The following FRMD4A variants were observed in gnomAD, a reference collection of about 807,000 sequenced individuals.
FRMD4A encodes the protein FERM domain containing 4A.
A neutral mutation model predicts 129.1 loss-of-function variants in FRMD4A; 29 were observed. The ratio of observed to expected loss-of-function variants is 0.22; its 90% confidence interval spans 0.17 to 0.31. The LOEUF is 0.31. Among genes scored for constraint, FRMD4A ranks in the 10% least tolerant of loss-of-function variants. The pLI, the probability that FRMD4A is intolerant of heterozygous loss-of-function variation, is 1.00. For synonymous variants in FRMD4A, 634 were observed against 571.6 expected, an observed-to-expected ratio of 1.11 and a Z score of -1.56; for missense variants, 1,272 against 1,375.8, an observed-to-expected ratio of 0.92 and a Z score of 1.19.
intron 12 of FRMD4A, among the ~76,000 whole-genome samples, chr10:13,730,742 A>G (rs61661335): frequency 0.41 from 62,219 of 151,364 alleles, 13,511 homozygotes; most frequent in South Asian, 0.53. Context: ...GGCTGGGCAC[A>G]GTGGCTCACG....
rs146204850 is a variant in FRMD4A, at chr10:13,854,867, C to T, written c.111+3980G>A. ...CTGCATGTGTCCACAACCAAGGCTGCAGGCATGCTCTGGGGCTGAATGCTC... is the reference window on the plus strand; with the variant it reads ...CTGCATGTGTCCACAACCAAGGCTGTAGGCATGCTCTGGGGCTGAATGCTC... On this transcript the variant is annotated intron_variant, in intron 3 of 24. Coordinates refer to ENST00000357447, the MANE Select transcript of FRMD4A (RefSeq NM_018027.5). 5.8e-3 allele frequency among the ~76,000 whole-genome samples: 879 copies of T among 152,290 alleles called. 5 individuals carry two copies. The highest frequency in any genetic ancestry group is 7.2e-3 in the Non-Finnish European group (490 of 68,022).
intron 2 of FRMD4A, among the ~76,000 whole-genome samples, chr10:14,094,024 T>TGCCGAAAAG (rs1270446475): frequency 2.0e-4 from 30 of 152,360 alleles, no homozygotes; most frequent in African/African-American, 6.0e-4. Context: ...TGGAGGCTTT[T>TGCCGAAAAG]GCCGAAAAGG....
intron 12 of FRMD4A, chr10:13,707,369 A>C: frequency 1.1e-5 from 13 of 1,178,244 alleles, no homozygotes; most frequent in Non-Finnish European, 1.4e-5. Context: ...GTTCTTTTCA[A>C]GTTCTCCGCC....
chr10:13,808,213 G>C (rs2093389090), intron 4 of FRMD4A, among the ~76,000 whole-genome samples: 1 of 152,138 alleles, frequency 6.6e-6, no homozygotes, highest in South Asian at 2.1e-4. Flanking sequence ...TGTTTTATTT[G>C]CATTAGGAAA....
intron 2 of FRMD4A, among the ~76,000 whole-genome samples, chr10:13,984,352 C>A (rs2095573605): frequency 6.6e-6 from 1 of 152,212 alleles, no homozygotes; most frequent in Admixed American, 6.5e-5. Context: ...CCAACCCTTT[C>A]AGTTCCAGAT....
At chr10:13,833,739 A>C (rs7900034) in intron 3 of FRMD4A, among the ~76,000 whole-genome samples, 76,921 of 151,638 alleles carry the variant, frequency 0.51, 19,596 homozygotes, top group East Asian at 0.62. Flanking sequence ...GAGCCCACTA[A>C]TCTATACAGA....
At chr10:14,112,762 G>A (rs946350568) in intron 2 of FRMD4A, among the ~76,000 whole-genome samples, 11 of 152,324 alleles carry the variant, frequency 7.2e-5, no homozygotes, top group South Asian at 2.1e-4. Flanking sequence ...CTGACCTCAG[G>A]TGATCCGCCT....
chr10:14,022,211 A>G (rs969613988), intron 2 of FRMD4A, among the ~76,000 whole-genome samples: 8 of 152,214 alleles, frequency 5.3e-5, no homozygotes, highest in Admixed American at 4.6e-4. Context: ...AGGAAGTGCG[A>G]CAGAAATCCA....
intron 6 of FRMD4A, among the ~76,000 whole-genome samples, chr10:13,767,698 C>T (rs1379752149): frequency 6.6e-6 from 1 of 152,228 alleles, no homozygotes; most frequent in African/African-American, 2.4e-5. Context: ...GAGCAGAAGA[C>T]ACTTCCCGGA....
chr10:13,962,287 C>A (rs962865161), intron 2 of FRMD4A, among the ~76,000 whole-genome samples: 1 of 152,170 alleles, frequency 6.6e-6, no homozygotes, highest in Non-Finnish European at 1.5e-5. Context: ...TTCTCTGAGC[C>A]TCGTTATGAT....
At chr10:13,762,602 G>C (rs751918600) in intron 7 of FRMD4A, 22 bp downstream of exon 7, 2 of 1,424,580 alleles carry the variant, frequency 1.4e-6, no homozygotes, top group Non-Finnish European at 2.0e-6. Flanking sequence ...GGGACATAAA[G>C]AGGAGGAGAA....
chr10:13,749,975 G>C (rs1313910704), intron 8 of FRMD4A, among the ~76,000 whole-genome samples: 2 of 148,972 alleles, frequency 1.3e-5, no homozygotes, highest in Non-Finnish European at 3.0e-5. Context: ...AAAGAAAAGG[G>C]AAAGAGAAAG....
chr10:13,979,336 G>A (rs1565150353), intron 2 of FRMD4A, among the ~76,000 whole-genome samples: 1 of 152,168 alleles, frequency 6.6e-6, no homozygotes, highest in South Asian at 2.1e-4. Flanking sequence ...AGAGAGAAGG[G>A]CAGGTGGGCC....
chr10:13,696,297 C>A (rs189663630), intron 14 of FRMD4A, among the ~76,000 whole-genome samples: 127 of 152,308 alleles, frequency 8.3e-4, no homozygotes, highest in Non-Finnish European at 1.6e-3. Flanking sequence ...GCGAGTACAA[C>A]CCATGACTTC....
chr10:14,158,832 G>A (rs1721448380), intron 2 of FRMD4A, among the ~76,000 whole-genome samples: 1 of 119,664 alleles, frequency 8.4e-6, no homozygotes, highest in Non-Finnish European at 1.7e-5. Context: ...GAGGGAGGAG[G>A]AGAAAGAGGA....
At chr10:14,157,719 G>C (rs1840672812) in intron 2 of FRMD4A, among the ~76,000 whole-genome samples, 1 of 152,132 alleles carries the variant, frequency 6.6e-6, no homozygotes. Flanking sequence ...GCACACACAG[G>C]ACACAAGGCG....
At chr10:14,089,626 AAAACAAAAAAAAAC>A (rs1473560564) in intron 2 of FRMD4A, among the ~76,000 whole-genome samples, 4 of 30,356 alleles carry the variant, frequency 1.3e-4, no homozygotes, top group East Asian at 1.7e-3. Context: ...AGCAAAAAAA[AAAACAAAAAAAAAC>A]AAACAAAAAA....
At chr10:13,976,628 G>A (rs1442381617) in intron 2 of FRMD4A, among the ~76,000 whole-genome samples, 1 of 151,958 alleles carries the variant, frequency 6.6e-6, no homozygotes, top group South Asian at 2.1e-4. Context: ...AAAAGGAATA[G>A]GAAAAACTCA....
chr10:14,275,777 A>T (rs574718261), intron 2 of FRMD4A, among the ~76,000 whole-genome samples: 22 of 152,314 alleles, frequency 1.4e-4, no homozygotes, highest in Admixed American at 1.3e-3. Flanking sequence ...GGCAGCTCAC[A>T]TCTGTAATCC....
Sources: gnomAD v4.1 joint callset for allele counts (sites outside exome capture counted in the v4.1 genomes callset) on GRCh38, gnomAD v4.1.1 for gene constraint, MANE v1.5 for transcripts, NCBI Gene and HGNC (gene_info 2026-07-23, HGNC 2026-07-21) for gene names.